Variants in CNBD1 observed in about 807,000 individuals in gnomAD.
The protein encoded by CNBD1 is cyclic nucleotide binding domain containing 1, also known as cyclic nucleotide-binding domain-containing protein 1.
CNBD1 carries 71 observed loss-of-function variants against 54.4 expected under a neutral mutation model. The observed-to-expected ratio is 1.30, with a 90% confidence interval of 1.08 to 1.59. The LOEUF is 1.59. Among genes scored for constraint, CNBD1 ranks in the 40% most tolerant of loss-of-function variants. The pLI, the probability that CNBD1 is intolerant of heterozygous loss-of-function variation, is 0.00. For synonymous variants in CNBD1, 182 were observed against 170.7 expected (o/e 1.07, Z -0.51); for missense variants, 659 against 518.0 (o/e 1.27, Z -2.64).
chr8:86,991,990 T>C (rs1411770521), intron 4 of CNBD1, among the ~76,000 whole-genome samples: 1 of 152,118 alleles, frequency 6.6e-6, no homozygotes, highest in Non-Finnish European at 1.5e-5. Context: ...TATTATGTGA[T>C]TGTTGCTGAA....
At chr8:87,178,562 C>T (rs139710018) in intron 4 of CNBD1, among the ~76,000 whole-genome samples, 1 of 152,142 alleles carries the variant, frequency 6.6e-6, no homozygotes, top group Non-Finnish European at 1.5e-5. Context: ...CATTGTAAAA[C>T]CTCAGCCATT....
chr8:87,248,519 G>A (rs1292579267), intron 6 of CNBD1, among the ~76,000 whole-genome samples: 2 of 152,148 alleles, frequency 1.3e-5, no homozygotes, highest in Admixed American at 6.5e-5. Flanking sequence ...TTGAAAAACT[G>A]CAGAGGCTTG....
chr8:87,069,987 G>C (rs1304509569), intron 4 of CNBD1, among the ~76,000 whole-genome samples: 4 of 152,014 alleles, frequency 2.6e-5, no homozygotes, highest in East Asian at 3.9e-4. Context: ...TATTTTGGTT[G>C]AAGGCTGAGG....
At chr8:87,010,954 A>G (rs889696169) in intron 4 of CNBD1, among the ~76,000 whole-genome samples, 1 of 152,086 alleles carries the variant, frequency 6.6e-6, no homozygotes, top group African/African-American at 2.4e-5. Context: ...TAAATTGGAC[A>G]TTGAGTGTGA....
intron 10 of CNBD1, among the ~76,000 whole-genome samples, chr8:87,364,838 C>A (rs1314769975): frequency 1.3e-5 from 2 of 152,080 alleles, no homozygotes; most frequent in African/African-American, 2.4e-5. Context: ...TTTTTTATGG[C>A]TGCATAGTAT....
intron 8 of CNBD1, among the ~76,000 whole-genome samples, chr8:87,308,222 T>G (rs763820886): frequency 4.6e-5 from 7 of 152,180 alleles, no homozygotes; most frequent in Non-Finnish European, 1.0e-4. Context: ...TGTTCAGTTA[T>G]TGCTTGGTAA....
intron 3 of CNBD1, among the ~76,000 whole-genome samples, chr8:86,905,829 GCAGTAC>G (rs1563817142): frequency 6.6e-6 from 1 of 152,242 alleles, no homozygotes; most frequent in East Asian, 1.9e-4. Context: ...TTATATCAGT[GCAGTAC>G]CAGATCTAGA....
intron 4 of CNBD1, among the ~76,000 whole-genome samples, chr8:87,000,167 GT>G (rs1808963090): frequency 6.6e-6 from 1 of 152,156 alleles, no homozygotes; most frequent in Non-Finnish European, 1.5e-5. Flanking sequence ...AGGGACCCAG[GT>G]TGGAGGTGAT....
At chr8:87,037,755 G>T (rs968816680) in intron 4 of CNBD1, among the ~76,000 whole-genome samples, 12 of 152,006 alleles carry the variant, frequency 7.9e-5, no homozygotes, top group African/African-American at 2.7e-4. Flanking sequence ...TAACATTTCT[G>T]ATTCTTCAAA....
chr8:87,088,485 T>G (rs576610076), intron 4 of CNBD1, among the ~76,000 whole-genome samples: 1 of 152,336 alleles, frequency 6.6e-6, no homozygotes, highest in East Asian at 1.9e-4. Flanking sequence ...TTCATAGATA[T>G]TACTCTTTTA....
At chr8:87,064,039 T>C (rs1351091960) in intron 4 of CNBD1, among the ~76,000 whole-genome samples, 3 of 152,034 alleles carry the variant, frequency 2.0e-5, no homozygotes. Flanking sequence ...ATATTATCTG[T>C]GAAATGTTGA....
intron 4 of CNBD1, among the ~76,000 whole-genome samples, chr8:87,035,956 G>A (rs1321366218): frequency 6.6e-6 from 1 of 152,144 alleles, no homozygotes; most frequent in Non-Finnish European, 1.5e-5. Context: ...TAAGGAAGAT[G>A]CTGGGAAACT....
rs62528082 is a variant in CNBD1 at position 87,246,571 on chromosome 8, T to C, written c.771+9459T>C. 3.1e-3 allele frequency among the ~76,000 whole-genome samples: 476 copies of C among 152,208 alleles called. 2 individuals carry two copies. The highest frequency in any genetic ancestry group is 5.4e-3 in the Non-Finnish European group (366 of 67,984). On this transcript the variant is annotated intron_variant, in intron 6 of 10. Coordinates refer to ENST00000518476, the MANE Select transcript of CNBD1 (RefSeq NM_173538.3). ...ATATTTTTTATCTCACAGAAAGTCT[T>C]TGAGATAGATGACTTTAGGGATTAA...
At chr8:87,399,354 G>A (rs1811459861) in intron 2 of CNBD1, among the ~76,000 whole-genome samples, 1 of 151,976 alleles carries the variant, frequency 6.6e-6, no homozygotes, top group African/African-American at 2.4e-5. Context: ...GGGTCACTAG[G>A]ACCTTTCCTG....
At chr8:86,949,614 AG>A (rs1463987950) in intron 4 of CNBD1, among the ~76,000 whole-genome samples, 3 of 151,992 alleles carry the variant, frequency 2.0e-5, no homozygotes, top group South Asian at 2.1e-4. Flanking sequence ...TAATCATTTT[AG>A]GGGGGAGTCT....
At chr8:86,872,072 T>A (rs1242248767) in intron 1 of CNBD1, among the ~76,000 whole-genome samples, 1 of 152,214 alleles carries the variant, frequency 6.6e-6, no homozygotes, top group African/African-American at 2.4e-5. Flanking sequence ...CAATCCAAGA[T>A]CATTGTTATC....
intron 4 of CNBD1, among the ~76,000 whole-genome samples, chr8:87,053,106 A>T (rs1810345197): frequency 6.6e-6 from 1 of 152,084 alleles, no homozygotes. Flanking sequence ...GATTTTGGGG[A>T]ATCATCCACT....
intron 4 of CNBD1, among the ~76,000 whole-genome samples, chr8:87,146,079 A>T (rs1812480875): frequency 6.6e-6 from 1 of 152,118 alleles, no homozygotes; most frequent in African/African-American, 2.4e-5. Flanking sequence ...ATTCTTTTTC[A>T]ATATAAATGG....
chr8:87,230,016 T>C (rs1028402195), intron 5 of CNBD1, among the ~76,000 whole-genome samples: 4 of 152,028 alleles, frequency 2.6e-5, no homozygotes, highest in African/African-American at 9.7e-5. Flanking sequence ...GGAGCCATGA[T>C]GCTGGCATCT....
Sources: allele counts gnomAD v4.1 joint callset (sites outside exome capture counted in the v4.1 genomes callset), GRCh38; gene constraint gnomAD v4.1.1; transcripts MANE v1.5; gene names NCBI Gene and HGNC (gene_info 2026-07-23, HGNC 2026-07-21).